NFYC: variants seen among roughly 807,000 people sequenced by gnomAD.
NFYC encodes CAAT box DNA-binding protein subunit C.
A neutral mutation model predicts 53.1 loss-of-function variants in NFYC; 25 were observed. The ratio of observed to expected loss-of-function variants is 0.47; its 90% CI spans 0.34 to 0.66. NFYC has a LOEUF of 0.66. Ranked by LOEUF, NFYC falls within the 30% of genes least tolerant of loss-of-function variation. The probability of loss-of-function intolerance (pLI) is 0.01; values close to 1 mark genes in which losing one functional copy is unlikely to be tolerated. For missense variants in NFYC, 260 were observed against 422.7 expected (o/e 0.62, Z 3.38); for synonymous variants, 145 against 152.6 (o/e 0.95, Z 0.37).
At chr1:40,714,320 G>A (rs1180637320) in intron 1 of NFYC, among the ~76,000 whole-genome samples, 5 of 152,170 alleles carry the variant, frequency 3.3e-5, no homozygotes, top group Admixed American at 6.5e-5. Context: ...TAACTGTGCT[G>A]ACTTTACTGT....
intron 6 of NFYC, among the ~76,000 whole-genome samples, chr1:40,760,981 A>G (rs1646514456): frequency 6.6e-6 from 1 of 152,206 alleles, no homozygotes; most frequent in South Asian, 2.1e-4. Flanking sequence ...GAATGAACTT[A>G]GAGGGAGTCT....
chr1:40,721,514 G>A (rs1319406477), intron 1 of NFYC: 1 of 151,856 alleles, frequency 6.6e-6, no homozygotes, highest in African/African-American at 2.4e-5. Flanking sequence ...CGTACTCCTA[G>A]CTTGTGGAAG....
chr1:40,692,301 G>T (rs1642861735), intron 1 of NFYC: 1 of 157,310 alleles, frequency 6.4e-6, no homozygotes, highest in Non-Finnish European at 1.4e-5. Flanking sequence ...CGGCGAGAGG[G>T]CGAGCCTAGA....
intron 1 of NFYC, among the ~76,000 whole-genome samples, chr1:40,719,148 C>T (rs1016164964): frequency 5.3e-5 from 8 of 152,224 alleles, no homozygotes; most frequent in East Asian, 1.9e-4. Context: ...GGATTACAGG[C>T]GTGAGCCACG....
intron 6 of NFYC, among the ~76,000 whole-genome samples, chr1:40,759,737 A>G (rs934898835): frequency 2.0e-5 from 3 of 152,090 alleles, no homozygotes; most frequent in African/African-American, 7.2e-5. Flanking sequence ...TTAATCAAAG[A>G]AAGTGGGAAA....
chr1:40,698,856 A>G (rs1013490741), intron 1 of NFYC, among the ~76,000 whole-genome samples: 4 of 152,090 alleles, frequency 2.6e-5, no homozygotes, highest in Non-Finnish European at 1.5e-5. Context: ...CAGTGTTTCA[A>G]AGTGTTTTAA....
intron 6 of NFYC, among the ~76,000 whole-genome samples, chr1:40,758,826 G>C (rs1646375857): frequency 6.6e-6 from 1 of 152,180 alleles, no homozygotes; most frequent in Non-Finnish European, 1.5e-5. Flanking sequence ...ATTCATGTTT[G>C]TTGGGGGTCA....
At chr1:40,745,147 C>T (rs1645543591) in intron 2 of NFYC, among the ~76,000 whole-genome samples, 1 of 152,118 alleles carries the variant, frequency 6.6e-6, no homozygotes, top group East Asian at 1.9e-4. Flanking sequence ...ACTTTTGTTG[C>T]TTTTGATTAA....
At chr1:40,747,248 A>AT (rs1645658756) in intron 2 of NFYC, among the ~76,000 whole-genome samples, 1 of 151,442 alleles carries the variant, frequency 6.6e-6, no homozygotes, top group South Asian at 2.1e-4. Context: ...GCTGACGAAA[A>AT]AAAAAAAAAA....
At chr1:40,749,474 A>G in intron 3 of NFYC, 99 bp from the exon 4 acceptor site, 1 of 859,394 alleles carries the variant, frequency 1.2e-6, no homozygotes, top group Admixed American at 2.0e-5. Context: ...TCATTTTTTG[A>G]CCCTTGCCCC....
At chr1:40,704,010 CCTT>C (rs1557739855) in intron 1 of NFYC, among the ~76,000 whole-genome samples, 1 of 152,134 alleles carries the variant, frequency 6.6e-6, no homozygotes, top group South Asian at 2.1e-4. Context: ...TCTCACTTTA[CCTT>C]CTTTGAGAGT....
chr1:40,760,732 G>A (rs2148757371), intron 6 of NFYC, among the ~76,000 whole-genome samples: 1 of 151,994 alleles, frequency 6.6e-6, no homozygotes, highest in Non-Finnish European at 1.5e-5. Context: ...AAAAAAAAAG[G>A]TAATTATGAT....
intron 1 of NFYC, among the ~76,000 whole-genome samples, chr1:40,734,306 A>G (rs999621417): frequency 3.9e-5 from 6 of 152,144 alleles, no homozygotes; most frequent in African/African-American, 9.7e-5. Context: ...TTTGCAATTA[A>G]TGCATTAAAA....
At chr1:40,708,040 C>A (rs898614476) in intron 1 of NFYC, among the ~76,000 whole-genome samples, 1 of 152,006 alleles carries the variant, frequency 6.6e-6, no homozygotes, top group Non-Finnish European at 1.5e-5. Context: ...TGTGTCTGTA[C>A]GGAACATATG....
At chr1:40,726,408 G>C (rs537669747) in intron 1 of NFYC, among the ~76,000 whole-genome samples, 1 of 151,118 alleles carries the variant, frequency 6.6e-6, no homozygotes, top group Non-Finnish European at 1.5e-5. Context: ...GTGAGCCACC[G>C]CATCTGGCCT....
chr1:40,761,692 C>T (rs1262032086), intron 6 of NFYC, among the ~76,000 whole-genome samples: 3 of 152,194 alleles, frequency 2.0e-5, no homozygotes, highest in Non-Finnish European at 4.4e-5. Flanking sequence ...GTTCCCAGAA[C>T]ACATCCCCTT....
chr1:40,752,195 T>A (rs183644368), intron 4 of NFYC, among the ~76,000 whole-genome samples: 1 of 152,208 alleles, frequency 6.6e-6, no homozygotes, highest in Non-Finnish European at 1.5e-5. Context: ...CATAAACATT[T>A]TACTATGCTT....
intron 1 of NFYC, among the ~76,000 whole-genome samples, chr1:40,714,762 C>T (rs946590820): frequency 3.3e-5 from 5 of 152,050 alleles, no homozygotes; most frequent in African/African-American, 4.8e-5. Flanking sequence ...TACAGATGCA[C>T]GCTACTAGGC....
At chr1:40,745,141 T>G (rs1035620343) in intron 2 of NFYC, among the ~76,000 whole-genome samples, 1 of 152,232 alleles carries the variant, frequency 6.6e-6, no homozygotes, top group Non-Finnish European at 1.5e-5. Flanking sequence ...TCCTTGACTT[T>G]TGTTGCTTTT....
Sources: allele counts gnomAD v4.1 joint callset (sites outside exome capture counted in the v4.1 genomes callset), GRCh38; gene constraint gnomAD v4.1.1; transcripts MANE v1.5; gene names NCBI Gene and HGNC (gene_info 2026-07-23, HGNC 2026-07-21).